The following KCNQ1OT1 variants were observed in gnomAD, a reference collection of about 807,000 sequenced individuals.
KCNQ1OT1 encodes the protein KCNQ1 opposite strand/antisense transcript 1.
exon 1 of KCNQ1OT1, chr11:2,610,067 T>C: frequency 2.5e-6 from 1 of 398,000 alleles, no homozygotes; most frequent in East Asian, 3.6e-5. Context: ...GTCTTTTCTA[T>C]GTACTATTTC....
At position 2,654,315 on chromosome 11, in the gene KCNQ1OT1, G is replaced by A; in HGVS notation, n.45680C>T. On this transcript the variant is annotated non_coding_transcript_exon_variant, in exon 1 of 1. Coordinates refer to ENST00000597346, the Ensembl canonical transcript of KCNQ1OT1. This position sits in a 1 kb window ranked among gnomAD's most constrained non-coding sequence, Gnocchi z 6.4. Reference sequence around the variant, plus strand: ...TGAGAGGGGGAGATTTCTTGAGGGGGCCAGGGAGGGGGCTTCTACTTGCAA... The same window carrying A: ...TGAGAGGGGGAGATTTCTTGAGGGGACCAGGGAGGGGGCTTCTACTTGCAA... 3 of 397,050 alleles carry A rather than the reference G, an allele frequency of 7.6e-6. No individual in the cohort carries two copies. 24.6% of individuals were successfully genotyped at this position (397,050 alleles called of 1,614,324 possible). A position where few individuals can be genotyped will look rare whatever the true frequency, so the allele number is the denominator to read the frequency against.
exon 1 of KCNQ1OT1, chr11:2,648,673 AC>A (rs1427549854): frequency 7.5e-6 from 3 of 398,300 alleles, no homozygotes; most frequent in African/African-American, 2.1e-5. Context: ...ATTTATTGAG[AC>A]CCGTTTTGTG....
At chr11:2,662,653 C>T (rs1849984080) in exon 1 of KCNQ1OT1, 2 of 407,450 alleles carry the variant, frequency 4.9e-6, no homozygotes, top group East Asian at 7.0e-5. Flanking sequence ...TGTGATTCCC[C>T]TGCGACATGT....
At position 2,668,472 on chromosome 11, in the gene KCNQ1OT1, T is replaced by A; in HGVS notation, n.31523A>T. ...CTAACACTTGGCATTTTCCGTCGTT[T>A]CCTTTTCAGCCATGATGGTGAATGT... is the stretch of plus-strand genomic sequence containing the variant. On this transcript the variant is annotated non_coding_transcript_exon_variant, in exon 1 of 1. Coordinates refer to ENST00000597346, the Ensembl canonical transcript of KCNQ1OT1. The surrounding 1 kb of genome is among the most constrained non-coding windows in gnomAD (Gnocchi z 4.3). 1 of 398,654 alleles carries A rather than the reference T, an allele frequency of 2.5e-6. No individual in the cohort carries two copies. Among genetic ancestry groups the A allele is most frequent in the Non-Finnish European group, 4.4e-6 (1 of 226,068 alleles). 24.7% of individuals were successfully genotyped at this position (398,654 alleles called of 1,614,324 possible).
chr11:2,683,489 C>A lies in KCNQ1OT1; in HGVS notation n.16506G>T, dbSNP rs958107429. 2 of 398,464 alleles carry A rather than the reference C, an allele frequency of 5.0e-6. No individual in the cohort carries two copies. Among genetic ancestry groups the A allele is most frequent in the African/African-American group, 4.1e-5 (2 of 48,618 alleles). The allele number at this position is 398,464 out of a possible 1,614,324, so 24.7% of individuals were successfully genotyped here. On this transcript the variant is annotated non_coding_transcript_exon_variant, in exon 1 of 1. Coordinates refer to ENST00000597346, the Ensembl canonical transcript of KCNQ1OT1. The surrounding 1 kb of genome is among the most constrained non-coding windows in gnomAD (Gnocchi z 4.7). ...ATCAATGACAGTTTTCCTATTAAAA[C>A]ATAACTTGTTAAAGCATAGAGCTTA... is the stretch of plus-strand genomic sequence containing the variant.
At position 2,692,041 on chromosome 11, in the gene KCNQ1OT1, C is replaced by T. The variant is rs1393195268; in HGVS notation, n.7954G>A. ...GACCACCTGTGAGGCCCTGACCCCC[C>T]AAATGTCTCTCCAACCCAGCCAGAC... On this transcript the variant is annotated non_coding_transcript_exon_variant, in exon 1 of 1. Coordinates refer to ENST00000597346, the Ensembl canonical transcript of KCNQ1OT1. 6 of 398,660 alleles carry T rather than the reference C, an allele frequency of 1.5e-5. No individual in the cohort carries two copies. The East Asian group carries it at 1.8e-4, about 12-fold the overall frequency. The allele number at this position is 398,660 out of a possible 1,614,324, so 24.7% of individuals were successfully genotyped here. A position where few individuals can be genotyped will look rare whatever the true frequency, so the allele number is the denominator to read the frequency against.
exon 1 of KCNQ1OT1, chr11:2,628,043 T>A (rs1849289092): frequency 2.5e-6 from 1 of 398,522 alleles, no homozygotes; most frequent in Non-Finnish European, 4.4e-6. Context: ...CAAGCCACCA[T>A]GCCTATGAAT....
chr11:2,610,982 A>G (rs1378098200), exon 1 of KCNQ1OT1: 5 of 398,228 alleles, frequency 1.3e-5, no homozygotes, highest in African/African-American at 1.0e-4. Context: ...AGTTAGTACT[A>G]TTATTGTTGA....
exon 1 of KCNQ1OT1, chr11:2,614,244 C>T (rs982155499): frequency 5.0e-6 from 2 of 398,426 alleles, no homozygotes; most frequent in Admixed American, 4.4e-5. Flanking sequence ...AGCTGCTGCT[C>T]TGGACTACCT....
In KCNQ1OT1 at chr11:2,620,098, G is replaced by A. The variant is rs1200696397; in HGVS notation, n.79897C>T. The A allele has an allele frequency of 2.5e-6, 1 of 398,012 alleles. No homozygotes were observed. Among genetic ancestry groups the A allele is most frequent in the Non-Finnish European group, 4.4e-6 (1 of 225,980 alleles). 24.7% of individuals were successfully genotyped at this position (398,012 alleles called of 1,614,324 possible). A position where few individuals can be genotyped will look rare whatever the true frequency, so the allele number is the denominator to read the frequency against. ...CAGTGTTTAGGTCCCACTTGCAAGT[G>A]GTAACATGCAGTATTTGGTTTTCTG... is the stretch of plus-strand genomic sequence containing the variant. On this transcript the variant is annotated non_coding_transcript_exon_variant, in exon 1 of 1. Transcript: ENST00000597346. This position sits in a 1 kb window ranked among gnomAD's most constrained non-coding sequence, Gnocchi z 4.5.
At chr11:2,696,233 T>C (rs1425052204) in exon 1 of KCNQ1OT1, 1 of 398,666 alleles carries the variant, frequency 2.5e-6, no homozygotes, top group Non-Finnish European at 4.4e-6. Context: ...ATTAAACAAA[T>C]GGCAACTACC....
At position 2,665,501 on chromosome 11, in the gene KCNQ1OT1, C is replaced by T. The variant is rs115176443; in HGVS notation, n.34494G>A. The T allele has an allele frequency of 5.9e-3, 2,323 of 395,002 alleles. 33 individuals carry two copies. The highest frequency in any genetic ancestry group is 0.035 in the African/African-American group (1,647 of 47,224). The allele number at this position is 395,002 out of a possible 1,614,324, so 24.5% of individuals were successfully genotyped here. A position where few individuals can be genotyped will look rare whatever the true frequency, so the allele number is the denominator to read the frequency against. On this transcript the variant is annotated non_coding_transcript_exon_variant, in exon 1 of 1. Transcript: ENST00000597346. The stretch of plus-strand genomic sequence containing the variant: ...TGCCATGCCTGTGTGCATCCCTGTG[C>T]CTTGCGTGTGGTAACCTGCCATCTA...
In KCNQ1OT1 at chr11:2,609,015, T is replaced by C. The variant is rs186019929; in HGVS notation, n.90980A>G. 7 of 398,468 alleles carry C rather than the reference T, an allele frequency of 1.8e-5. No homozygotes were observed. The Admixed American group carries it at 3.1e-4, about 18-fold the overall frequency. 24.7% of individuals were successfully genotyped at this position (398,468 alleles called of 1,614,324 possible). A position where few individuals can be genotyped will look rare whatever the true frequency, so the allele number is the denominator to read the frequency against. ...GGATTTGTTGACTTTATTATTTTTA[T>C]ATTCTATATTTTATTTCTACTCTAA... On this transcript the variant is annotated non_coding_transcript_exon_variant, in exon 1 of 1. Coordinates refer to ENST00000597346, the Ensembl canonical transcript of KCNQ1OT1.
Position 2,671,977 on chromosome 11 carries a change from A to T in KCNQ1OT1, n.28018T>A, listed in dbSNP as rs1850191234. 2.5e-6 allele frequency: 1 copy of T among 398,382 alleles called. No homozygotes were observed. Among genetic ancestry groups the T allele is most frequent in the Non-Finnish European group, 4.4e-6 (1 of 226,040 alleles). The allele number at this position is 398,382 out of a possible 1,614,324, so 24.7% of individuals were successfully genotyped here. On this transcript the variant is annotated non_coding_transcript_exon_variant, in exon 1 of 1. Transcript: ENST00000597346. This position sits in a 1 kb window ranked among gnomAD's most constrained non-coding sequence, Gnocchi z 4.7. Reference sequence around the variant, plus strand: ...GAAAGAGTGGGCTAAAAAGTCAGCTAGCACCCCTGACTTCAAGTCCTCGAG... The same window carrying T: ...GAAAGAGTGGGCTAAAAAGTCAGCTTGCACCCCTGACTTCAAGTCCTCGAG...
chr11:2,631,837 T>C (rs1376513050), exon 1 of KCNQ1OT1: 4 of 398,430 alleles, frequency 1.0e-5, no homozygotes, highest in Admixed American at 8.8e-5. Context: ...GTCGTGTAAA[T>C]AGAGTTGTGT....
exon 1 of KCNQ1OT1, chr11:2,666,107 G>A (rs1056277066): frequency 2.5e-6 from 1 of 398,570 alleles, no homozygotes; most frequent in African/African-American, 2.1e-5. Flanking sequence ...CAGTCATGTG[G>A]TTTCTCTGAA....
chr11:2,680,356 G>T, exon 1 of KCNQ1OT1: 1 of 397,648 alleles, frequency 2.5e-6, no homozygotes, highest in Non-Finnish European at 4.4e-6. Context: ...ACAAATAGAA[G>T]CAGTTTACCC....
In KCNQ1OT1 at chr11:2,624,278, A is replaced by G; in HGVS notation, n.75717T>C. On this transcript the variant is annotated non_coding_transcript_exon_variant, in exon 1 of 1. Coordinates refer to ENST00000597346, the Ensembl canonical transcript of KCNQ1OT1. The surrounding 1 kb of genome is among the most constrained non-coding windows in gnomAD (Gnocchi z 4.9). Reference sequence around the variant, plus strand: ...TTGTAATCAGATTGTTTGTTTTCTAATTGTTATGTTTTTAAGGTTCTTTAT... The same window carrying G: ...TTGTAATCAGATTGTTTGTTTTCTAGTTGTTATGTTTTTAAGGTTCTTTAT... 5.0e-6 allele frequency: 2 copies of G among 398,414 alleles called. No individual in the cohort carries two copies. The highest frequency in any genetic ancestry group is 4.4e-6 in the Non-Finnish European group (1 of 226,026). The allele number at this position is 398,414 out of a possible 1,614,324, so 24.7% of individuals were successfully genotyped here. A position where few individuals can be genotyped will look rare whatever the true frequency, so the allele number is the denominator to read the frequency against.
chr11:2,652,046 A>G lies in KCNQ1OT1; in HGVS notation n.47949T>C, dbSNP rs1284191414. ...TCCCCCCAGTTCTGGGGTGGCTCTG[A>G]CTGTGTCCAGGCTCCAATTTGAGAA... On this transcript the variant is annotated non_coding_transcript_exon_variant, in exon 1 of 1. Transcript: ENST00000597346. This position sits in a 1 kb window ranked among gnomAD's most constrained non-coding sequence, Gnocchi z 5.9. 1.3e-5 allele frequency: 5 copies of G among 398,500 alleles called. No homozygotes were observed. Among genetic ancestry groups the G allele is most frequent in the African/African-American group, 1.0e-4 (5 of 48,606 alleles). The allele number at this position is 398,500 out of a possible 1,614,324, so 24.7% of individuals were successfully genotyped here.
Sources: allele counts gnomAD v4.1 joint callset, GRCh38; gene constraint gnomAD v4.1.1; non-coding constraint Gnocchi (gnomAD v3.1); transcripts MANE v1.5; gene names NCBI Gene and HGNC (gene_info 2026-07-23, HGNC 2026-07-21).